The following NRAP variants were observed in gnomAD, a reference collection of about 807,000 sequenced individuals.
NRAP encodes nebulin-related-anchoring protein.
NRAP carries 189 observed loss-of-function variants against 225.9 expected under a neutral mutation model. The observed-to-expected ratio is 0.84, with a 90% CI of 0.74 to 0.94. The LOEUF is 0.94. Ranked by LOEUF, NRAP falls within the 40% of genes least tolerant of loss-of-function variation. NRAP has a pLI of 0.00. For synonymous variants in NRAP, 769 were observed against 790.7 expected, an observed-to-expected ratio of 0.97 and a Z score of 0.46; for missense variants, 2,176 against 2,168.7, an observed-to-expected ratio of 1.00 and a Z score of -0.07.
rs143460537 is a variant in NRAP, at chr10:113,630,593, A to G, written c.1843-808T>C. On this transcript the variant is annotated intron_variant, in intron 18 of 41. Coordinates refer to ENST00000359988, the MANE Select transcript of NRAP (RefSeq NM_198060.4). ...CCCTCTACCACTACTGCTGACTACCACATGGCTTTGGGAAAGACACAGTCT... is the reference window on the plus strand; with the variant it reads ...CCCTCTACCACTACTGCTGACTACCGCATGGCTTTGGGAAAGACACAGTCT... 3.0e-4 allele frequency among the ~76,000 whole-genome samples: 45 copies of G among 152,298 alleles called. No individual in the cohort carries two copies. In the East Asian group the frequency reaches 7.9e-3, roughly 27 times the overall value.
chr10:113,589,022 C>G lies in NRAP; in HGVS notation c.5146G>C (p.Ala1716Pro). The change falls in exon 42 of 42, where the codon GCC (alanine) becomes CCC (proline). Residue 1716 changes from alanine to proline, a missense_variant. By Grantham distance (27) the Ala-to-Pro change is conservative. Around this residue, in one of 3 missense-constraint regions of NRAP, gnomAD observed 445 missense variants for 426.1 expected, o/e 1.04. Coordinates refer to ENST00000359988, the MANE Select transcript of NRAP (RefSeq NM_198060.4). ...DHQSGEVNPDATEILHVKKKK... is the reference protein window; with the variant it reads ...DHQSGEVNPDPTEILHVKKKK... ...TTTTTGACGTGCAGAATCTCAGTGG[C>G]ATCTGGGTTCACCTCCCCACTCTGA... The G allele has an allele frequency of 6.2e-7, 1 of 1,614,074 alleles. No individual in the cohort carries two copies. Among genetic ancestry groups the G allele is most frequent in the Non-Finnish European group, 8.5e-7 (1 of 1,180,010 alleles).
At position 113,614,180 on chromosome 10, in the gene NRAP, T is replaced by A; in HGVS notation, c.3300+3A>T. ...AGCCGCTGATGCCTCTCCCCCCACTTACATCACTCTGCAGTGAGGTCGCAT... is the reference window on the plus strand; with the variant it reads ...AGCCGCTGATGCCTCTCCCCCCACTAACATCACTCTGCAGTGAGGTCGCAT... On this transcript the variant is annotated splice_donor_region_variant and intron_variant, in intron 29 of 41. Transcript: ENST00000359988. The A allele has an allele frequency of 6.3e-7, 1 of 1,597,032 alleles. No homozygotes were observed. Among genetic ancestry groups the A allele is most frequent in the Non-Finnish European group, 8.6e-7 (1 of 1,164,274 alleles).
intron 25 of NRAP, among the ~76,000 whole-genome samples, chr10:113,618,326 T>C (rs1847787884): frequency 6.6e-6 from 1 of 152,234 alleles, no homozygotes; most frequent in Non-Finnish European, 1.5e-5. Flanking sequence ...GCAGAATAAT[T>C]GTCTTAAACA....
In NRAP at chr10:113,647,587, T is replaced by TCTCCCCCAGTGGTACTG. The variant is rs1849619154; in HGVS notation, c.889-561_889-560insCAGTACCACTGGGGGAG. Among the ~76,000 whole-genome samples, 51 of 44,326 alleles carry TCTCCCCCAGTGGTACTG rather than the reference T, an allele frequency of 1.2e-3. 12 individuals carry two copies. Among genetic ancestry groups the TCTCCCCCAGTGGTACTG allele is most frequent in the Non-Finnish European group, 2.0e-3 (34 of 16,730 alleles). 29.1% of individuals were successfully genotyped at this position (44,326 alleles called of 152,430 possible). On this transcript the variant is annotated intron_variant, in intron 9 of 41. Transcript: ENST00000359988. ...TGGTACTGCCTCCCCTGGTGGTACT[T>TCTCCCCCAGTGGTACTG]CCTCCCCTAGTGGTACTGTCTCCCC...
intron 7 of NRAP, 78 bp from the exon 8 acceptor site, chr10:113,650,623 A>G (rs1488209584): frequency 1.4e-5 from 14 of 971,460 alleles, no homozygotes; most frequent in South Asian, 2.7e-5. Flanking sequence ...TAAGGGTTCC[A>G]TGACATCCTG....
At chr10:113,642,538 T>A (rs780234363) in intron 12 of NRAP, among the ~76,000 whole-genome samples, 13 of 152,128 alleles carry the variant, frequency 8.5e-5, no homozygotes, top group Non-Finnish European at 1.6e-4. Context: ...GGAAATAACA[T>A]CTGGCTCTCC....
At chr10:113,651,959 G>T in intron 6 of NRAP, 52 bp from the exon 7 acceptor site, 1 of 1,123,488 alleles carries the variant, frequency 8.9e-7, no homozygotes. Flanking sequence ...AGCCTCCTCA[G>T]TGACCTCTCC....
At position 113,650,609 on chromosome 10, in the gene NRAP, C is replaced by T; in HGVS notation, c.676-64G>A. The stretch of plus-strand genomic sequence containing the variant: ...TATCAGATGATCTTAGTGAGATGCT[C>T]TGCTAAGGGTTCCATGACATCCTGC... On this transcript the variant is annotated intron_variant, in intron 7 of 41. Transcript: ENST00000359988. 2.7e-6 allele frequency: 3 copies of T among 1,110,018 alleles called. No individual in the cohort carries two copies. The South Asian group carries it at 3.8e-5, about 14-fold the overall frequency. The allele number at this position is 1,110,018 out of a possible 1,614,324, so 68.8% of individuals were successfully genotyped here. A position where few individuals can be genotyped will look rare whatever the true frequency, so the allele number is the denominator to read the frequency against.
At chr10:113,654,161 GC>G in intron 4 of NRAP, 36 bp from the exon 5 acceptor site, 1 of 1,201,474 alleles carries the variant, frequency 8.3e-7, no homozygotes, top group Non-Finnish European at 1.2e-6. Context: ...ACAAACACAT[GC>G]CCCAGACTCC....
At position 113,631,521 on chromosome 10, in the gene NRAP, C is replaced by T. The variant is rs768786572; in HGVS notation, c.1830G>A (p.Lys610=). 1.9e-6 allele frequency: 3 copies of T among 1,605,242 alleles called. No homozygotes were observed. In the African/African-American group the frequency reaches 4.0e-5, roughly 22 times the overall value. ...GAAAAGAGTTTACCTCACTGCTCAT[C>T]TTAGCAATCTGCAGGGAGTGCAGAA... ...SRLLHSLQIA[K]MSSEVEYKKG... is the part of the protein sequence containing the mutation. The change falls in exon 18 of 42, where the codon AAG becomes AAA. Residue 610 remains lysine (K), a synonymous_variant. Transcript: ENST00000359988.
intron 24 of NRAP, among the ~76,000 whole-genome samples, chr10:113,621,535 G>A (rs765200097): frequency 3.3e-5 from 5 of 152,112 alleles, no homozygotes; most frequent in Non-Finnish European, 7.3e-5. Flanking sequence ...AGTTATCAGC[G>A]ATGCTCTCCC....
At chr10:113,624,783 A>G (rs751048264) in intron 22 of NRAP, 43 bp downstream of exon 22, 2 of 1,448,178 alleles carry the variant, frequency 1.4e-6, no homozygotes, top group Middle Eastern at 1.7e-4. Context: ...GGCTATACAC[A>G]AAGGGGAGCA....
chr10:113,590,513 A>G (rs894237116), intron 40 of NRAP, 65 bp downstream of exon 40: 17 of 1,497,634 alleles, frequency 1.1e-5, no homozygotes, highest in Non-Finnish European at 1.4e-5. Flanking sequence ...ACGTGGCATT[A>G]TGGCCATCTC....
At chr10:113,601,094 A>T (rs540446158) in intron 35 of NRAP, among the ~76,000 whole-genome samples, 2 of 152,328 alleles carry the variant, frequency 1.3e-5, no homozygotes, top group Non-Finnish European at 2.9e-5. Flanking sequence ...AGAAGCACGG[A>T]AGAGATGATG....
At chr10:113,614,096 C>A in intron 29 of NRAP, 87 bp downstream of exon 29, 1 of 861,574 alleles carries the variant, frequency 1.2e-6, no homozygotes, top group South Asian at 1.4e-5. Flanking sequence ...TACCCATGTC[C>A]AGAAGGACAA....
In NRAP at chr10:113,621,587, C is replaced by A. The variant is rs142449149; in HGVS notation, c.2769+282G>T. Among the ~76,000 whole-genome samples, 9 of 152,270 alleles carry A rather than the reference C, an allele frequency of 5.9e-5. No individual in the cohort carries two copies. In the East Asian group the frequency reaches 1.2e-3, roughly 20 times the overall value. On this transcript the variant is annotated intron_variant, in intron 24 of 41. Transcript: ENST00000359988. ...AGGAATGACACAAAGATACCTCCCC[C>A]CTGGCAATAAAAAGAAACCTGGAAA...
At chr10:113,619,006 C>G (rs1464384080) in intron 25 of NRAP, among the ~76,000 whole-genome samples, 2 of 152,150 alleles carry the variant, frequency 1.3e-5, no homozygotes, top group Non-Finnish European at 2.9e-5. Flanking sequence ...GTAAATGTGA[C>G]AGCCTAAAAT....
At chr10:113,616,631 T>G (rs986105761) in intron 26 of NRAP, among the ~76,000 whole-genome samples, 1 of 152,258 alleles carries the variant, frequency 6.6e-6, no homozygotes, top group African/African-American at 2.4e-5. Flanking sequence ...GCACTCAGGC[T>G]GTTTCAGAAT....
intron 5 of NRAP, among the ~76,000 whole-genome samples, 179 bp from the exon 6 acceptor site, chr10:113,653,218 A>G (rs1338213718): frequency 6.6e-6 from 1 of 152,260 alleles, no homozygotes; most frequent in East Asian, 1.9e-4. Flanking sequence ...TCAGCACTGA[A>G]GAACTCATAT....
Sources: allele counts gnomAD v4.1 joint callset (sites outside exome capture counted in the v4.1 genomes callset), GRCh38; gene constraint gnomAD v4.1.1; regional missense constraint gnomAD v4.1.1; transcripts MANE v1.5; gene names NCBI Gene and HGNC (gene_info 2026-07-23, HGNC 2026-07-21).